The following STAT1 variants were observed in gnomAD, a reference collection of about 807,000 sequenced individuals.
STAT1 encodes the protein signal transducer and activator of transcription 1, also known as signal transducer and activator of transcription 1-alpha/beta.
Under a neutral mutation model 111.7 loss-of-function variants are expected in STAT1, and 24 were observed. The ratio of observed to expected loss-of-function variants is 0.21; its 90% CI spans 0.16 to 0.30. The LOEUF (loss-of-function observed/expected upper bound fraction) is 0.30. Ranked by LOEUF, STAT1 falls within the 10% of genes least tolerant of loss-of-function variation. STAT1 has a pLI of 1.00. For synonymous variants in STAT1, 332 were observed against 326.5 expected (o/e 1.02, Z -0.18); for missense variants, 351 against 911.9 (o/e 0.38, Z 7.92).
chr2:191,007,981 G>A lies in STAT1; in HGVS notation c.274-320C>T, dbSNP rs752674751. ...GCCAATTATCTTTGGTTAGGATCCC[G>A]AGACAATGCAAATGATATAAAAACT... is the stretch of plus-strand genomic sequence containing the variant. On this transcript the variant is annotated intron_variant, in intron 4 of 24. Coordinates refer to ENST00000361099, the MANE Select transcript of STAT1 (RefSeq NM_007315.4). The surrounding 1 kb of genome is among the most constrained non-coding windows in gnomAD (Gnocchi z 4.2). 25 of 476,624 alleles carry A rather than the reference G, an allele frequency of 5.2e-5. No individual in the cohort carries two copies. Among genetic ancestry groups the A allele is most frequent in the Non-Finnish European group, 7.4e-5 (18 of 242,224 alleles). 29.5% of individuals were successfully genotyped at this position (476,624 alleles called of 1,614,324 possible). A position where few individuals can be genotyped will look rare whatever the true frequency, so the allele number is the denominator to read the frequency against.
chr2:190,975,744 A>C lies in STAT1; in HGVS notation c.2135+68T>G. ...GAAAAGTAAAATACAAGCATCTTCA[A>C]CAGGCCCCAGCCAGGAGCAAGGCTG... On this transcript the variant is annotated intron_variant, in intron 23 of 24. Transcript: ENST00000361099. This position sits in a 1 kb window ranked among gnomAD's most constrained non-coding sequence, Gnocchi z 5.9. 1 of 1,607,146 alleles carries C rather than the reference A, an allele frequency of 6.2e-7. No individual in the cohort carries two copies. The highest frequency in any genetic ancestry group is 1.7e-4 in the Middle Eastern group (1 of 6,052).
intron 5 of STAT1, among the ~76,000 whole-genome samples, chr2:191,002,885 G>A (rs1395212507): frequency 6.6e-6 from 1 of 152,162 alleles, no homozygotes. Flanking sequence ...TTCAGCTTCT[G>A]TGGAAGGAAG....
intron 11 of STAT1, 126 bp downstream of exon 11, chr2:190,991,102 A>T (rs1231295042): frequency 9.2e-6 from 7 of 759,784 alleles, no homozygotes; most frequent in Non-Finnish European, 1.6e-5. Context: ...GTAAGAGTTC[A>T]TATTAAAGTG....
rs921630052 is a variant in STAT1, at chr2:190,974,672, C to T, written c.2238+158G>A. Among the ~76,000 whole-genome samples, 2 of 152,244 alleles carry T rather than the reference C, an allele frequency of 1.3e-5. No individual in the cohort carries two copies. The highest frequency in any genetic ancestry group is 2.1e-4 in the South Asian group (1 of 4,838). On this transcript the variant is annotated intron_variant, in intron 24 of 24. Coordinates refer to ENST00000361099, the MANE Select transcript of STAT1 (RefSeq NM_007315.4). This position sits in a 1 kb window ranked among gnomAD's most constrained non-coding sequence, Gnocchi z 4.8. ...GATGATGTAGGTGGTTTAAATCCAGCAGCTCCAACTTGTCATGGCTCATCT... is the reference window on the plus strand; with the variant it reads ...GATGATGTAGGTGGTTTAAATCCAGTAGCTCCAACTTGTCATGGCTCATCT...
chr2:191,010,255 C>A, intron 2 of STAT1: 1 of 496,626 alleles, frequency 2.0e-6, no homozygotes, highest in Non-Finnish European at 3.9e-6. Flanking sequence ...ATCAGGGCAG[C>A]CTTCTCTGGC....
chr2:190,977,080 A>G lies in STAT1; in HGVS notation c.1874-55T>C. 6.4e-7 allele frequency: 1 copy of G among 1,571,592 alleles called. No homozygotes were observed. The highest frequency in any genetic ancestry group is 1.1e-5 in the South Asian group (1 of 90,106). On this transcript the variant is annotated intron_variant, in intron 21 of 24. Coordinates refer to ENST00000361099, the MANE Select transcript of STAT1 (RefSeq NM_007315.4). The surrounding 1 kb of genome is among the most constrained non-coding windows in gnomAD (Gnocchi z 4.7). The stretch of plus-strand genomic sequence containing the variant: ...ATAGAACATCCCAAAATGAAAGAGG[A>G]CAGAGAAATAAAACACTGCAGAGTT...
rs116591943 is a variant in STAT1 at position 190,996,111 on chromosome 2, G to T, written c.786-892C>A. ...AAGAGAGGAAGGAATGATGATTCTG[G>T]TTTCACTCAACTGAAAGGAGAAGGC... On this transcript the variant is annotated intron_variant, in intron 9 of 24. Transcript: ENST00000361099. This position sits in a 1 kb window ranked among gnomAD's most constrained non-coding sequence, Gnocchi z 4.5. 0.015 allele frequency among the ~76,000 whole-genome samples: 2,355 copies of T among 152,204 alleles called. 60 individuals are homozygous for T. Among genetic ancestry groups the T allele is most frequent in the African/African-American group, 0.053 (2,203 of 41,506 alleles).
In STAT1 at chr2:191,006,716, T is replaced by C. The variant is rs1448611311; in HGVS notation, c.372+847A>G. ...ACCACCCCAGTGCTCAAGAAAGGAA[T>C]ACTAAATGCCATAGCAAATTCAAAA... On this transcript the variant is annotated intron_variant, in intron 5 of 24. Coordinates refer to ENST00000361099, the MANE Select transcript of STAT1 (RefSeq NM_007315.4). The surrounding 1 kb of genome is among the most constrained non-coding windows in gnomAD (Gnocchi z 4.6). Among the ~76,000 whole-genome samples the C allele has an allele frequency of 6.6e-6, 1 of 152,178 alleles. No individual in the cohort carries two copies. Among genetic ancestry groups the C allele is most frequent in the Admixed American group, 6.5e-5 (1 of 15,280 alleles).
intron 5 of STAT1, among the ~76,000 whole-genome samples, chr2:191,001,415 C>A (rs764627048): frequency 1.3e-5 from 2 of 152,192 alleles, no homozygotes; most frequent in Non-Finnish European, 2.9e-5. Flanking sequence ...TCCATTAATT[C>A]ATACAGTTGC....
At position 190,975,446 on chromosome 2, in the gene STAT1, T is replaced by C. The variant is rs1691834060; in HGVS notation, c.2135+366A>G. On this transcript the variant is annotated intron_variant, in intron 23 of 24. Transcript: ENST00000361099. This position sits in a 1 kb window ranked among gnomAD's most constrained non-coding sequence, Gnocchi z 5.9. ...AAAATTTTTTCTACCTTTTATAAAA[T>C]GAAACAACAAAATCAAAGCAAGTGG... The C allele has an allele frequency of 1.8e-5, 16 of 880,312 alleles. No homozygotes were observed. In the South Asian group the frequency reaches 2.1e-4, roughly 11 times the overall value. The allele number at this position is 880,312 out of a possible 1,614,324, so 54.5% of individuals were successfully genotyped here. A position where few individuals can be genotyped will look rare whatever the true frequency, so the allele number is the denominator to read the frequency against.
intron 10 of STAT1, chr2:190,992,876 G>A (rs1323346532): frequency 2.2e-5 from 6 of 276,744 alleles, no homozygotes; most frequent in East Asian, 7.8e-5. Context: ...TGCAACCTCC[G>A]CCACCTGGGT....
Position 191,000,834 on chromosome 2 carries a change from C to G in STAT1, c.462+240G>C, listed in dbSNP as rs1032597349. Among the ~76,000 whole-genome samples the G allele has an allele frequency of 6.6e-6, 1 of 152,114 alleles. No homozygotes were observed. Among genetic ancestry groups the G allele is most frequent in the African/African-American group, 2.4e-5 (1 of 41,416 alleles). On this transcript the variant is annotated intron_variant, in intron 6 of 24. Transcript: ENST00000361099. The surrounding 1 kb of genome is among the most constrained non-coding windows in gnomAD (Gnocchi z 4.8). Reference sequence around the variant, plus strand: ...GCAAAGTCAACATTTACTGCATGATCTTTCAGGGAAGAAAAAGCTAAACTC... The same window carrying G: ...GCAAAGTCAACATTTACTGCATGATGTTTCAGGGAAGAAAAAGCTAAACTC...
intron 15 of STAT1, among the ~76,000 whole-genome samples, chr2:190,985,005 C>T (rs1043520907): frequency 6.6e-6 from 1 of 152,318 alleles, no homozygotes; most frequent in South Asian, 2.1e-4. Context: ...GTGTTTGTCC[C>T]GCTGCTCCAT....
Position 190,985,605 on chromosome 2 carries a change from A to G in STAT1, c.1263+14T>C. ...CCTGATTTGGGCCCATTCACAACATAAAGGGACTCTCACCTCATTCGTTCT... is the reference window on the plus strand; with the variant it reads ...CCTGATTTGGGCCCATTCACAACATGAAGGGACTCTCACCTCATTCGTTCT... On this transcript the variant is annotated intron_variant, in intron 15 of 24. Transcript: ENST00000361099. 1 of 1,614,128 alleles carries G rather than the reference A, an allele frequency of 6.2e-7. No homozygotes were observed.
At chr2:191,005,453 C>T (rs1206945845) in intron 5 of STAT1, among the ~76,000 whole-genome samples, 1 of 152,340 alleles carries the variant, frequency 6.6e-6, no homozygotes, top group Non-Finnish European at 1.5e-5. Flanking sequence ...ATCTTTTACA[C>T]ACTATCTGTA....
rs1691987447 is a variant in STAT1, at chr2:190,977,413, C to T, written c.1874-388G>A. On this transcript the variant is annotated intron_variant, in intron 21 of 24. Coordinates refer to ENST00000361099, the MANE Select transcript of STAT1 (RefSeq NM_007315.4). The surrounding 1 kb of genome is among the most constrained non-coding windows in gnomAD (Gnocchi z 4.7). The stretch of plus-strand genomic sequence containing the variant: ...ATTTAAATTACTAGAGATAAACTCA[C>T]TTTGTTTTTCTTTTCATATTGAAAA... 6.6e-6 allele frequency among the ~76,000 whole-genome samples: 1 copy of T among 152,172 alleles called. No homozygotes were observed. Among genetic ancestry groups the T allele is most frequent in the African/African-American group, 2.4e-5 (1 of 41,448 alleles).
chr2:190,994,301 G>A (rs1693643497), intron 10 of STAT1, among the ~76,000 whole-genome samples: 1 of 152,114 alleles, frequency 6.6e-6, no homozygotes, highest in Non-Finnish European at 1.5e-5. Flanking sequence ...CAGAAGGGGG[G>A]CCGTGAATGC....
In STAT1 at chr2:190,982,372, T is replaced by C. The variant is rs769045368; in HGVS notation, c.1582+11A>G. The C allele has an allele frequency of 1.9e-6, 3 of 1,614,040 alleles. No individual in the cohort carries two copies. Among genetic ancestry groups the C allele is most frequent in the Non-Finnish European group, 2.5e-6 (3 of 1,179,908 alleles). On this transcript the variant is annotated intron_variant, in intron 18 of 24. Coordinates refer to ENST00000361099, the MANE Select transcript of STAT1 (RefSeq NM_007315.4). The surrounding 1 kb of genome is among the most constrained non-coding windows in gnomAD (Gnocchi z 7.3). ...AATTTTTATAAACATAACAAGTTAA[T>C]ATGCATATACCAAGAAGCTTCTCTC... is the stretch of plus-strand genomic sequence containing the variant.
rs1694453020 is a variant in STAT1 at position 191,003,650 on chromosome 2, A to G, written c.373-2487T>C. Among the ~76,000 whole-genome samples, 1 of 152,070 alleles carries G rather than the reference A, an allele frequency of 6.6e-6. No individual in the cohort carries two copies. The highest frequency in any genetic ancestry group is 2.1e-4 in the South Asian group (1 of 4,818). On this transcript the variant is annotated intron_variant, in intron 5 of 24. Transcript: ENST00000361099. The surrounding 1 kb of genome is among the most constrained non-coding windows in gnomAD (Gnocchi z 4.0). ...TGCTGCTATGACTGTAAGTTTCCTG[A>G]GGCCTCCCCAGAAACTGAGCAGATG...
Sources: allele counts gnomAD v4.1 joint callset (sites outside exome capture counted in the v4.1 genomes callset), GRCh38; gene constraint gnomAD v4.1.1; non-coding constraint Gnocchi (gnomAD v3.1); transcripts MANE v1.5; gene names NCBI Gene and HGNC (gene_info 2026-07-23, HGNC 2026-07-21).